The following MELK variants were observed in gnomAD, a reference collection of about 807,000 sequenced individuals.
MELK encodes the protein pEg3 kinase.
Under a neutral mutation model 85.0 loss-of-function variants are expected in MELK, and 81 were observed. That is an observed-to-expected ratio of 0.95 (90% CI 0.80 to 1.15). The LOEUF (loss-of-function observed/expected upper bound fraction) is 1.15, where lower values mean the gene tolerates loss of function less well. MELK is among the 50% of genes most tolerant of loss of function. The pLI, the probability that MELK is intolerant of heterozygous loss-of-function variation, is 0.00. For missense variants in MELK, 754 were observed against 777.5 expected (o/e 0.97, Z 0.36); for synonymous variants, 252 against 265.0 (o/e 0.95, Z 0.48).
intron 1 of MELK, among the ~76,000 whole-genome samples, chr9:36,581,228 T>C (rs1441949037): frequency 6.6e-6 from 1 of 152,062 alleles, no homozygotes; most frequent in African/African-American, 2.4e-5. Flanking sequence ...ATAGATGTGG[T>C]CTTGCTATGT....
At chr9:36,585,602 C>A (rs1822811800) in intron 3 of MELK, among the ~76,000 whole-genome samples, 1 of 152,000 alleles carries the variant, frequency 6.6e-6, no homozygotes, top group South Asian at 2.1e-4. Flanking sequence ...CTACCACTCC[C>A]AGCCTAACAT....
intron 13 of MELK, among the ~76,000 whole-genome samples, chr9:36,658,883 ATT>A (rs537014195): frequency 1.1e-4 from 11 of 95,824 alleles, no homozygotes; most frequent in Non-Finnish European, 1.8e-4. Flanking sequence ...TTTTTTTTCT[ATT>A]TTTTTTTTTT....
intron 5 of MELK, among the ~76,000 whole-genome samples, chr9:36,596,173 T>G (rs1023919028): frequency 1.3e-5 from 2 of 152,142 alleles, no homozygotes; most frequent in African/African-American, 4.8e-5. Flanking sequence ...CTCACTCTTT[T>G]GGTTTAAATT....
chr9:36,660,078 C>T (rs1283795848), intron 13 of MELK, among the ~76,000 whole-genome samples: 10 of 152,166 alleles, frequency 6.6e-5, no homozygotes, highest in African/African-American at 2.2e-4. Flanking sequence ...GGATTACAGG[C>T]GTGAGCCACC....
intron 1 of MELK, among the ~76,000 whole-genome samples, chr9:36,577,794 G>C (rs1821802047): frequency 6.6e-6 from 1 of 151,968 alleles, no homozygotes; most frequent in Admixed American, 6.6e-5. Context: ...TGGGATTACA[G>C]GCATGGGCCA....
Position 36,656,579 on chromosome 9 carries a change from T to G in MELK, c.1054-662T>G, listed in dbSNP as rs943165987. On this transcript the variant is annotated intron_variant, in intron 12 of 17. Coordinates refer to ENST00000298048, the MANE Select transcript of MELK (RefSeq NM_014791.4). Reference sequence around the variant, plus strand: ...CAACGTTGGACTGCATTTATGATGGTGGTCCCATAAAATTATAATACCATG... The same window carrying G: ...CAACGTTGGACTGCATTTATGATGGGGGTCCCATAAAATTATAATACCATG... Among the ~76,000 whole-genome samples the G allele has an allele frequency of 2.0e-5, 3 of 152,220 alleles. No homozygotes were observed. The South Asian group carries it at 6.2e-4, about 31-fold the overall frequency.
At chr9:36,636,657 A>G (rs1829169428) in intron 10 of MELK, among the ~76,000 whole-genome samples, 1 of 152,168 alleles carries the variant, frequency 6.6e-6, no homozygotes, top group South Asian at 2.1e-4. Flanking sequence ...AAGCCTCACT[A>G]GAAAGACTGG....
intron 10 of MELK, among the ~76,000 whole-genome samples, chr9:36,637,530 T>C (rs1829337228): frequency 6.6e-6 from 1 of 152,218 alleles, no homozygotes; most frequent in African/African-American, 2.4e-5. Flanking sequence ...AATAGAAGTA[T>C]TTTAATAGTG....
chr9:36,662,659 A>G (rs1429874331), intron 13 of MELK, among the ~76,000 whole-genome samples: 1 of 152,216 alleles, frequency 6.6e-6, no homozygotes, highest in Non-Finnish European at 1.5e-5. Context: ...TAGCTCTTGA[A>G]TGTTTTTAAC....
Position 36,628,863 on chromosome 9 carries a change from C to CTT in MELK, c.667-1419_667-1418dup, listed in dbSNP as rs869033969. On this transcript the variant is annotated intron_variant, in intron 8 of 17. Transcript: ENST00000298048. Reference sequence around the variant, plus strand: ...AAGTACTCTTATGGTTTTGTATTTTCTTTTTTTTTTTTTTTTTTGAGACGG... The same window carrying CTT: ...AAGTACTCTTATGGTTTTGTATTTTCTTTTTTTTTTTTTTTTTTTTGAGACGG... Among the ~76,000 whole-genome samples the CTT allele has an allele frequency of 1.4e-3, 179 of 127,878 alleles. 1 individual carries two copies. Among genetic ancestry groups the CTT allele is most frequent in the African/African-American group, 2.5e-3 (85 of 33,446 alleles). The allele number at this position is 127,878 out of a possible 152,430, so 83.9% of individuals were successfully genotyped here. A position where few individuals can be genotyped will look rare whatever the true frequency, so the allele number is the denominator to read the frequency against.
chr9:36,653,882 C>T (rs971302088), intron 12 of MELK, among the ~76,000 whole-genome samples: 3 of 151,992 alleles, frequency 2.0e-5, no homozygotes, highest in Admixed American at 2.0e-4. Flanking sequence ...TCATTTAGAT[C>T]TCCTTTTGGT....
intron 7 of MELK, among the ~76,000 whole-genome samples, chr9:36,601,067 C>T (rs1217579011): frequency 6.6e-6 from 1 of 151,634 alleles, no homozygotes; most frequent in Non-Finnish European, 1.5e-5. Flanking sequence ...AATATCATAT[C>T]CTTTTATTAC....
rs189233049 is a variant in MELK, at chr9:36,654,391, T to C, written c.1053+2514T>C. ...TTTTTTTTGAGACAGAGTCTTGCTT[T>C]GTTGCCCAGGCTGGAGTGCAGTAGT... is the stretch of plus-strand genomic sequence containing the variant. On this transcript the variant is annotated intron_variant, in intron 12 of 17. Coordinates refer to ENST00000298048, the MANE Select transcript of MELK (RefSeq NM_014791.4). Among the ~76,000 whole-genome samples, 1,258 of 149,290 alleles carry C rather than the reference T, an allele frequency of 8.4e-3. 15 individuals carry two copies. Among genetic ancestry groups the C allele is most frequent in the Non-Finnish European group, 0.013 (897 of 67,330 alleles).
intron 11 of MELK, among the ~76,000 whole-genome samples, chr9:36,649,253 AG>A (rs1830477247): frequency 6.6e-6 from 1 of 151,438 alleles, no homozygotes; most frequent in Non-Finnish European, 1.5e-5. Context: ...TTGGGAGGCC[AG>A]CGCGGGCAGA....
At chr9:36,631,184 G>A (rs893567071) in intron 9 of MELK, among the ~76,000 whole-genome samples, 1 of 151,844 alleles carries the variant, frequency 6.6e-6, no homozygotes, top group South Asian at 2.1e-4. Context: ...GGCTGGTCTC[G>A]AACTCCTGAC....
At chr9:36,637,366 G>T (rs1400054289) in intron 10 of MELK, among the ~76,000 whole-genome samples, 1 of 152,198 alleles carries the variant, frequency 6.6e-6, no homozygotes, top group Non-Finnish European at 1.5e-5. Flanking sequence ...GTAGTGAGAA[G>T]AGTGGCATTG....
intron 7 of MELK, among the ~76,000 whole-genome samples, chr9:36,600,079 A>G (rs959006811): frequency 1.3e-5 from 2 of 149,678 alleles, no homozygotes; most frequent in African/African-American, 5.1e-5. Context: ...ACATGTCCAA[A>G]TCTTTTTTTG....
intron 13 of MELK, among the ~76,000 whole-genome samples, chr9:36,658,479 G>C (rs1027219082): frequency 4.6e-5 from 7 of 151,992 alleles, no homozygotes; most frequent in Admixed American, 3.9e-4. Context: ...AATTTGTTTT[G>C]TTCTTTTAAA....
chr9:36,605,141 C>G (rs988832661), intron 7 of MELK, among the ~76,000 whole-genome samples: 2 of 152,034 alleles, frequency 1.3e-5, no homozygotes, highest in African/African-American at 2.4e-5. Context: ...ATCTGCCTAC[C>G]TTGCTTCCCA....
Sources: allele counts gnomAD v4.1 joint callset (sites outside exome capture counted in the v4.1 genomes callset), GRCh38; gene constraint gnomAD v4.1.1; transcripts MANE v1.5; gene names NCBI Gene and HGNC (gene_info 2026-07-23, HGNC 2026-07-21).